Variants in COL22A1 observed in about 807,000 individuals in gnomAD.
COL22A1 encodes the protein collagen type XXII alpha 1 chain.
COL22A1 carries 221 observed loss-of-function variants against 248.9 expected under a neutral mutation model. The observed-to-expected ratio is 0.89, with a 90% CI of 0.80 to 0.99. The LOEUF is 0.99. COL22A1 is among the 50% of genes least tolerant of loss of function. The pLI, the probability that COL22A1 is intolerant of heterozygous loss-of-function variation, is 0.00. For missense variants in COL22A1, 2,240 were observed against 2,179.0 expected (o/e 1.03, Z -0.56); for synonymous variants, 891 against 793.4 (o/e 1.12, Z -2.07).
At chr8:138,679,853 A>G (rs1420224586) in intron 39 of COL22A1, among the ~76,000 whole-genome samples, 177 bp from the exon 40 acceptor site, 1 of 152,190 alleles carries the variant, frequency 6.6e-6, no homozygotes, top group Non-Finnish European at 1.5e-5. Flanking sequence ...GGAACAAAAG[A>G]ATCCTCCATC....
intron 63 of COL22A1, among the ~76,000 whole-genome samples, chr8:138,592,187 A>C (rs1049466028): frequency 1.3e-5 from 2 of 152,222 alleles, no homozygotes; most frequent in African/African-American, 4.8e-5. Context: ...AAAAAACACT[A>C]CAGACATGCA....
chr8:138,646,480 G>T, intron 47 of COL22A1, 149 bp downstream of exon 47: 1 of 529,202 alleles, frequency 1.9e-6, no homozygotes, highest in Non-Finnish European at 3.2e-6. Context: ...TGGTCAATAG[G>T]ATAGTCAGTG....
intron 49 of COL22A1, among the ~76,000 whole-genome samples, chr8:138,631,950 G>T (rs1333912780): frequency 6.6e-6 from 1 of 152,060 alleles, no homozygotes; most frequent in Non-Finnish European, 1.5e-5. Context: ...AACAGTACCT[G>T]GGATATAGTA....
intron 2 of COL22A1, among the ~76,000 whole-genome samples, chr8:138,881,663 C>T (rs1273676977): frequency 1.3e-5 from 2 of 152,152 alleles, no homozygotes; most frequent in South Asian, 4.1e-4. Flanking sequence ...CCAGCCTGGG[C>T]GACAGAGCGA....
rs74323827 is a variant in COL22A1, at chr8:138,827,569, G to T, written c.846-788C>A. ...ATCCTCTTCTCTCCCACAAGGCCCAGGTTCCTGCCTGGCCTGTGGAGCCAG... is the reference window on the plus strand; with the variant it reads ...ATCCTCTTCTCTCCCACAAGGCCCATGTTCCTGCCTGGCCTGTGGAGCCAG... On this transcript the variant is annotated intron_variant, in intron 5 of 64. Transcript: ENST00000303045. 1.6e-3 allele frequency among the ~76,000 whole-genome samples: 250 copies of T among 152,140 alleles called. 1 individual carries two copies. Among genetic ancestry groups the T allele is most frequent in the Middle Eastern group, 3.4e-3 (1 of 294 alleles).
intron 43 of COL22A1, among the ~76,000 whole-genome samples, chr8:138,661,807 A>G (rs1176774156): frequency 1.3e-5 from 2 of 152,182 alleles, no homozygotes; most frequent in Admixed American, 6.5e-5. Context: ...GATCTTGAAA[A>G]CTTAACACAA....
At chr8:138,619,788 T>C (rs1053893628) in intron 52 of COL22A1, among the ~76,000 whole-genome samples, 5 of 152,200 alleles carry the variant, frequency 3.3e-5, no homozygotes, top group Non-Finnish European at 4.4e-5. Flanking sequence ...AGAAGCATCT[T>C]GGTGTGGATG....
chr8:138,782,254 T>A (rs1815079533), intron 12 of COL22A1, among the ~76,000 whole-genome samples: 1 of 152,024 alleles, frequency 6.6e-6, no homozygotes, highest in African/African-American at 2.4e-5. Context: ...GGTCTTGTTC[T>A]TTCACTCGAA....
chr8:138,723,342 GA>G (rs1318243408), intron 25 of COL22A1, among the ~76,000 whole-genome samples: 3 of 152,250 alleles, frequency 2.0e-5, no homozygotes, highest in Non-Finnish European at 4.4e-5. Flanking sequence ...AAGGCTTTAG[GA>G]AGGCAGGAGG....
intron 6 of COL22A1, among the ~76,000 whole-genome samples, chr8:138,821,722 C>T (rs2873680): frequency 0.6 from 91,161 of 151,980 alleles, 27,892 homozygotes; most frequent in Middle Eastern, 0.76. Flanking sequence ...AAGGGCTATG[C>T]GGGTAAGAGA....
At chr8:138,850,516 G>T (rs533617830) in intron 3 of COL22A1, among the ~76,000 whole-genome samples, 1 of 152,274 alleles carries the variant, frequency 6.6e-6, no homozygotes, top group South Asian at 2.1e-4. Context: ...GTGGGGCTCC[G>T]GCACAGCTGG....
chr8:138,781,198 A>C (rs1215442094), intron 12 of COL22A1, among the ~76,000 whole-genome samples: 1 of 152,220 alleles, frequency 6.6e-6, no homozygotes, highest in African/African-American at 2.4e-5. Flanking sequence ...GGTCCATGTC[A>C]TAGCCACATA....
chr8:138,690,809 C>T lies in COL22A1; in HGVS notation c.2808+12G>A. On this transcript the variant is annotated intron_variant, in intron 36 of 64. Transcript: ENST00000303045. ...GGCTGGGCCGTGCGTATGCCCTCTC[C>T]CAATTACTCACCACACTTCCTGGAG... 1.2e-6 allele frequency: 2 copies of T among 1,606,958 alleles called. No individual in the cohort carries two copies. The highest frequency in any genetic ancestry group is 1.7e-6 in the Non-Finnish European group (2 of 1,176,628).
At chr8:138,597,011 A>C in intron 61 of COL22A1, 41 bp from the exon 62 acceptor site, 2 of 1,563,484 alleles carry the variant, frequency 1.3e-6, no homozygotes, top group Non-Finnish European at 1.8e-6. Context: ...CTTCCCAGTA[A>C]CTTCTGCCAC....
At chr8:138,662,857 C>T (rs1824090159) in intron 42 of COL22A1, among the ~76,000 whole-genome samples, 1 of 152,116 alleles carries the variant, frequency 6.6e-6, no homozygotes, top group Non-Finnish European at 1.5e-5. Context: ...TATAAGGAGC[C>T]CTGTAGCCCT....
At chr8:138,725,999 T>C (rs1031029876) in intron 23 of COL22A1, among the ~76,000 whole-genome samples, 2 of 152,198 alleles carry the variant, frequency 1.3e-5, no homozygotes, top group African/African-American at 2.4e-5. Context: ...TGGAGATCAG[T>C]CCTCACAGCT....
chr8:138,879,712 AAAGAAG>A (rs1554652803), intron 2 of COL22A1, among the ~76,000 whole-genome samples: 1 of 83,164 alleles, frequency 1.2e-5, no homozygotes, highest in African/African-American at 3.7e-5. Context: ...AAAAAAAAAA[AAAGAAG>A]AAGAAGAAAA....
rs1201284370 is a variant in COL22A1 at position 138,844,065 on chromosome 8, G to A, written c.733+19C>T. On this transcript the variant is annotated intron_variant, in intron 4 of 64. Transcript: ENST00000303045. ...TCATACACCAAAGCAAGCACACGTG[G>A]TTATTGTTTTTCCCTTACCTGTGAT... 6 of 1,608,596 alleles carry A rather than the reference G, an allele frequency of 3.7e-6. No homozygotes were observed. The Admixed American group carries it at 8.3e-5, about 22-fold the overall frequency.
intron 16 of COL22A1, among the ~76,000 whole-genome samples, chr8:138,765,256 A>T (rs1833823061): frequency 6.6e-6 from 1 of 152,080 alleles, no homozygotes; most frequent in South Asian, 2.1e-4. Flanking sequence ...GGAGGGTCGG[A>T]GCAGAGTCCC....
Sources: allele counts gnomAD v4.1 joint callset (sites outside exome capture counted in the v4.1 genomes callset), GRCh38; gene constraint gnomAD v4.1.1; transcripts MANE v1.5; gene names NCBI Gene and HGNC (gene_info 2026-07-23, HGNC 2026-07-21).